ANO7: variants seen among roughly 807,000 people sequenced by gnomAD.
The protein encoded by ANO7 is anoctamin 7, also known as anoctamin-7.
In ANO7, 114 loss-of-function variants were observed where a neutral mutation model predicts 115.8. The ratio of observed to expected loss-of-function variants is 0.98; its 90% CI spans 0.85 to 1.15. The LOEUF is 1.15. ANO7 is among the 50% of genes most tolerant of loss of function. The pLI, the probability that ANO7 is intolerant of heterozygous loss-of-function variation, is 0.00. For synonymous variants in ANO7, 550 were observed against 498.2 expected, an observed-to-expected ratio of 1.10 and a Z score of -1.38; for missense variants, 1,302 against 1,201.2, an observed-to-expected ratio of 1.08 and a Z score of -1.24.
the ANO7 span, chr2:241,235,466 T>C: frequency 1.2e-5 from 19 of 1,585,620 alleles, no homozygotes; most frequent in Non-Finnish European, 1.4e-5. Flanking sequence ...TCCTGTGACA[T>C]GGCCTCCCGG....
chr2:241,236,364 G>T, the ANO7 span: 1 of 531,168 alleles, frequency 1.9e-6, no homozygotes, highest in East Asian at 3.2e-5. Flanking sequence ...GTGGGCCTGA[G>T]AGGCCGGATC....
At chr2:241,204,798 G>A (rs1161464779) in intron 9 of ANO7, 67 bp from the exon 10 acceptor site, 3 of 1,237,894 alleles carry the variant, frequency 2.4e-6, no homozygotes, top group Admixed American at 3.6e-5. Context: ...GCATGGCTGT[G>A]CAGACCCCTA....
chr2:241,192,463 G>A (rs753780913), intron 3 of ANO7, among the ~76,000 whole-genome samples: 18 of 152,182 alleles, frequency 1.2e-4, no homozygotes, highest in Non-Finnish European at 1.8e-4. Context: ...TTTTGCAGAC[G>A]CGCCTTCTCC....
intron 2 of ANO7, 40 bp from the exon 3 acceptor site, chr2:241,191,154 G>C: frequency 6.2e-7 from 1 of 1,612,686 alleles, no homozygotes; most frequent in Non-Finnish European, 8.5e-7. Flanking sequence ...GAGGGCAGAT[G>C]CTGATGCTGA....
chr2:241,237,342 G>A, the ANO7 span, among the ~76,000 whole-genome samples: 6 of 152,194 alleles, frequency 3.9e-5, no homozygotes, highest in Non-Finnish European at 8.8e-5. Context: ...GGACACAGAA[G>A]ACAGCTGGAG....
At chr2:241,238,671 G>C in the ANO7 span, 2 of 1,579,780 alleles carry the variant, frequency 1.3e-6, no homozygotes, top group Non-Finnish European at 1.7e-6. This position sits in a 1 kb window ranked among gnomAD's most constrained non-coding sequence, Gnocchi z 4.9. Flanking sequence ...CTCTGTCTGG[G>C]AATTTAATTT....
At chr2:241,213,185 G>A (rs1020577331) in intron 17 of ANO7, among the ~76,000 whole-genome samples, 1 of 130,690 alleles carries the variant, frequency 7.7e-6, no homozygotes, top group Non-Finnish European at 1.5e-5. Context: ...GGCCCGCAGG[G>A]GCTGGCCTCC....
chr2:241,232,874 A>C, the ANO7 span, among the ~76,000 whole-genome samples: 1 of 151,934 alleles, frequency 6.6e-6, no homozygotes, highest in Non-Finnish European at 1.5e-5. Context: ...GTATGTGGGG[A>C]GGGAAGAGGA....
chr2:241,236,854 C>T, the ANO7 span: 1 of 1,432,894 alleles, frequency 7.0e-7, no homozygotes, highest in East Asian at 2.3e-5. Context: ...CTGTGAGGCA[C>T]CTGCTGGGTG....
intron 22 of ANO7, 85 bp downstream of exon 22, chr2:241,223,361 G>A (rs767182124): frequency 4.2e-6 from 6 of 1,425,764 alleles, no homozygotes; most frequent in Non-Finnish European, 6.0e-6. Flanking sequence ...GTGGTGAGGG[G>A]TCGGTGCCGT....
chr2:241,191,185 G>A lies in ANO7; in HGVS notation c.109-9G>A, dbSNP rs764498428. The stretch of plus-strand genomic sequence containing the variant: ...GCTGATATGCTTCTCCATCCTCCAT[G>A]CCTTCCAGCCAGGTGGACAGCAAGC... On this transcript the variant is annotated splice_polypyrimidine_tract_variant and intron_variant, in intron 2 of 24. Coordinates refer to ENST00000674324, the MANE Select transcript of ANO7 (RefSeq NM_001370694.2). 10 of 1,613,780 alleles carry A rather than the reference G, an allele frequency of 6.2e-6. No homozygotes were observed. In the African/African-American group the frequency reaches 8.0e-5, roughly 13 times the overall value.
chr2:241,223,473 G>C, intron 22 of ANO7, 189 bp from the exon 23 acceptor site: 1 of 1,040,156 alleles, frequency 9.6e-7, no homozygotes, highest in African/African-American at 1.6e-5. Flanking sequence ...CATTGTGGGT[G>C]TCTCCACAGG....
intron 5 of ANO7, 21 bp from the exon 6 acceptor site, chr2:241,200,067 AG>A (rs1402351883): frequency 6.2e-7 from 1 of 1,608,152 alleles, no homozygotes; most frequent in East Asian, 2.2e-5. Context: ...GAGTGGGAGG[AG>A]CCACTGACGT....
chr2:241,200,118 G>T lies in ANO7; in HGVS notation c.447G>T (p.Ser149=). ...TACCCAACCAGGCCTCCAACTGGTC[G>T]GCCGGCCTGCTGGCATGGCTGGGCA... is the stretch of plus-strand genomic sequence containing the variant. ...QELPNQASNW[S]AGLLAWLGIP... The change falls in exon 6 of 25, where the codon TCG becomes TCT. Residue 149 remains serine, a synonymous_variant. Transcript: ENST00000674324. The T allele has an allele frequency of 6.2e-7, 1 of 1,612,974 alleles. No individual in the cohort carries two copies. Among genetic ancestry groups the T allele is most frequent in the Non-Finnish European group, 8.5e-7 (1 of 1,179,978 alleles).
Position 241,209,288 on chromosome 2 carries a change from G to T in ANO7, c.1081G>T (p.Gly361Cys), listed in dbSNP as rs772860631. The change falls in exon 12 of 25, where the codon GGC (glycine) becomes TGC (cysteine). Residue 361 changes from glycine (G) to cysteine (C), a missense_variant. Coordinates refer to ENST00000674324, the MANE Select transcript of ANO7 (RefSeq NM_001370694.2). ...LSSACALAQAGRLFDHGGTVF... is the reference protein window; with the variant it reads ...LSSACALAQACRLFDHGGTVF... ...ACGCCCCCGCTCCCTGCCACAGGCC[G>T]GCCGGCTGTTCGACCACGGCGGCAC... 3.9e-6 allele frequency: 6 copies of T among 1,552,730 alleles called. No homozygotes were observed. The African/African-American group carries it at 6.8e-5, about 18-fold the overall frequency.
chr2:241,203,100 A>T lies in ANO7; in HGVS notation c.724-233A>T, dbSNP rs2068508774. 6.6e-6 allele frequency among the ~76,000 whole-genome samples: 1 copy of T among 152,004 alleles called. No homozygotes were observed. The highest frequency in any genetic ancestry group is 6.5e-5 in the Admixed American group (1 of 15,276). On this transcript the variant is annotated intron_variant, in intron 8 of 24. Transcript: ENST00000674324. The surrounding 1 kb of genome is among the most constrained non-coding windows in gnomAD (Gnocchi z 4.8). ...CTCTCCAGGCCCTTCCCCGCCCTGAACCCTCGAAGTCCAGGAGTCAGAGGG... is the reference window on the plus strand; with the variant it reads ...CTCTCCAGGCCCTTCCCCGCCCTGATCCCTCGAAGTCCAGGAGTCAGAGGG...
intron 5 of ANO7, among the ~76,000 whole-genome samples, chr2:241,199,650 G>A (rs541300014): frequency 1.2e-4 from 18 of 152,298 alleles, no homozygotes; most frequent in African/African-American, 3.6e-4. Flanking sequence ...TGAACAGTGC[G>A]TGTGCACTGA....
In ANO7 at chr2:241,224,520, C is replaced by A; in HGVS notation, c.*367C>A. The A allele has an allele frequency of 7.2e-6, 2 of 275,986 alleles. No homozygotes were observed. The highest frequency in any genetic ancestry group is 4.9e-5 in the South Asian group (1 of 20,252). The allele number at this position is 275,986 out of a possible 1,614,324, so 17.1% of individuals were successfully genotyped here. A position where few individuals can be genotyped will look rare whatever the true frequency, so the allele number is the denominator to read the frequency against. On this transcript the variant is annotated 3_prime_UTR_variant, in exon 25 of 25. Coordinates refer to ENST00000674324, the MANE Select transcript of ANO7 (RefSeq NM_001370694.2). The stretch of plus-strand genomic sequence containing the variant: ...TGGTCCTCGCCGCCCCTGGCCACAT[C>A]GCCCTCTCCTCTTACACCTGGTGAC...
Position 241,218,328 on chromosome 2 carries a change from C to A in ANO7, c.2268C>A (p.Phe756Leu). Reference sequence around the variant, plus strand: ...ACGACCTGCGCGGCTTCCTCAACTTCACGCTGGCGCGAGCCCCGTCCTCCT... The same window carrying A: ...ACGACCTGCGCGGCTTCCTCAACTTAACGCTGGCGCGAGCCCCGTCCTCCT... ...RAHDLRGFLN[F>L]TLARAPSSFA... The change falls in exon 21 of 25, where the codon TTC (phenylalanine) becomes TTA (leucine). Residue 756 changes from phenylalanine (F) to leucine (L), a missense_variant. Physicochemically the swap from Phe to Leu is conservative, Grantham distance 22. Transcript: ENST00000674324. 2 of 1,510,360 alleles carry A rather than the reference C, an allele frequency of 1.3e-6. No individual in the cohort carries two copies. The highest frequency in any genetic ancestry group is 1.2e-5 in the South Asian group (1 of 81,820). 93.6% of individuals were successfully genotyped at this position (1,510,360 alleles called of 1,614,324 possible). A position where few individuals can be genotyped will look rare whatever the true frequency, so the allele number is the denominator to read the frequency against.
Sources: allele counts gnomAD v4.1 joint callset (sites outside exome capture counted in the v4.1 genomes callset), GRCh38; gene constraint gnomAD v4.1.1; non-coding constraint Gnocchi (gnomAD v3.1); transcripts MANE v1.5; gene names NCBI Gene and HGNC (gene_info 2026-07-23, HGNC 2026-07-21).